The following TWIST2 variants were observed in gnomAD, a reference collection of about 807,000 sequenced individuals.
The protein encoded by TWIST2 is twist family bHLH transcription factor 2.
Under a neutral mutation model 11.6 loss-of-function variants are expected in TWIST2, and 1 was observed. The observed-to-expected ratio is 0.09, with a 90% CI of 0.03 to 0.41. TWIST2 has a LOEUF of 0.41. Ranked by LOEUF, TWIST2 falls within the 10% of genes least tolerant of loss-of-function variation. The pLI is 0.98. For missense variants in TWIST2, 168 were observed against 226.4 expected, an observed-to-expected ratio of 0.74 and a Z score of 1.66; for synonymous variants, 87 against 96.6, an observed-to-expected ratio of 0.90 and a Z score of 0.58.
Position 238,848,405 on chromosome 2 carries a change from CTGCAGAGCCAGCGCA to C in TWIST2, c.192_206del (p.Gln65_Ile69del). The C allele has an allele frequency of 6.5e-7, 1 of 1,537,338 alleles. No homozygotes were observed. Among genetic ancestry groups the C allele is most frequent in the Non-Finnish European group, 8.7e-7 (1 of 1,146,852 alleles). ...CCCCAGCGCGCAGTCCTTCGAGGAGCTGCAGAGCCAGCGCATCCTGGCCAACGTGCGCGAGCGCCA... is the reference window on the plus strand; with the variant it reads ...CCCCAGCGCGCAGTCCTTCGAGGAGCTCCTGGCCAACGTGCGCGAGCGCCA... On this transcript the variant is annotated inframe_deletion, in exon 1 of 2. Transcript: ENST00000612363.
intron 1 of TWIST2, among the ~76,000 whole-genome samples, chr2:238,887,850 G>T (rs1693069277): frequency 6.6e-6 from 1 of 152,224 alleles, no homozygotes; most frequent in Non-Finnish European, 1.5e-5. Context: ...AACGACTGCT[G>T]CATGAACCTC....
At chr2:238,874,378 A>G (rs1574757575) in intron 1 of TWIST2, among the ~76,000 whole-genome samples, 1 of 152,194 alleles carries the variant, frequency 6.6e-6, no homozygotes, top group Non-Finnish European at 1.5e-5. Context: ...GTTCCATGTT[A>G]TCGTGTCTTA....
At chr2:238,883,783 TC>T (rs1559279802) in intron 1 of TWIST2, among the ~76,000 whole-genome samples, 1 of 152,148 alleles carries the variant, frequency 6.6e-6, no homozygotes, top group Non-Finnish European at 1.5e-5. Flanking sequence ...GAGGCGGTTT[TC>T]AGGAATGAAA....
intron 1 of TWIST2, among the ~76,000 whole-genome samples, chr2:238,882,781 G>A (rs999623199): frequency 6.6e-6 from 1 of 152,200 alleles, no homozygotes; most frequent in African/African-American, 2.4e-5. Flanking sequence ...GGAGTCCTGG[G>A]AAGTGATATC....
chr2:238,879,591 G>C (rs533723436), intron 1 of TWIST2, among the ~76,000 whole-genome samples: 18 of 152,276 alleles, frequency 1.2e-4, no homozygotes, highest in South Asian at 4.2e-4. Flanking sequence ...TGCCCAGCTA[G>C]GAAGGCATGC....
chr2:238,873,211 C>T (rs1396118099), intron 1 of TWIST2, among the ~76,000 whole-genome samples: 4 of 152,156 alleles, frequency 2.6e-5, no homozygotes, highest in African/African-American at 7.2e-5. Flanking sequence ...TGTTGAGAGC[C>T]TCCCACGTGC....
At chr2:238,894,210 C>T (rs4078346) in intron 1 of TWIST2, among the ~76,000 whole-genome samples, 93,825 of 152,040 alleles carry the variant, frequency 0.62, 29,613 homozygotes, top group East Asian at 0.78. Flanking sequence ...CACCCTCTTC[C>T]GGGGTTCCCA....
intron 1 of TWIST2, among the ~76,000 whole-genome samples, chr2:238,905,726 C>T (rs959734837): frequency 6.6e-6 from 1 of 152,196 alleles, no homozygotes; most frequent in Non-Finnish European, 1.5e-5. Flanking sequence ...CCCACCCCCC[C>T]TTATTAATTA....
intron 1 of TWIST2, among the ~76,000 whole-genome samples, chr2:238,881,787 A>G (rs776312942): frequency 7.2e-5 from 11 of 152,184 alleles, no homozygotes; most frequent in Non-Finnish European, 1.5e-4. Context: ...AAATCCCTAC[A>G]TAAGGAAATG....
At chr2:238,871,429 C>T (rs1423649494) in intron 1 of TWIST2, among the ~76,000 whole-genome samples, 2 of 77,378 alleles carry the variant, frequency 2.6e-5, no homozygotes, top group Middle Eastern at 7.8e-3. Flanking sequence ...CAACCCCACA[C>T]GCCACACACA....
intron 1 of TWIST2, among the ~76,000 whole-genome samples, chr2:238,881,441 T>G (rs547454951): frequency 4.6e-4 from 70 of 151,860 alleles, no homozygotes; most frequent in Non-Finnish European, 9.1e-4. Context: ...GTGTCGGTAT[T>G]TATTAGTATT....
chr2:238,850,613 T>A (rs1387101814), intron 1 of TWIST2, among the ~76,000 whole-genome samples: 1 of 152,084 alleles, frequency 6.6e-6, no homozygotes, highest in Non-Finnish European at 1.5e-5. Context: ...ATAATCGCAC[T>A]CCTCAAAACT....
intron 1 of TWIST2, among the ~76,000 whole-genome samples, chr2:238,858,211 T>G (rs144164253): frequency 1.3e-5 from 2 of 152,296 alleles, no homozygotes; most frequent in East Asian, 3.9e-4. Context: ...CCTGGGCGCA[T>G]CCACCGGGCT....
intron 1 of TWIST2, among the ~76,000 whole-genome samples, chr2:238,869,390 G>A (rs763614288): frequency 1.3e-5 from 2 of 152,156 alleles, no homozygotes; most frequent in Non-Finnish European, 2.9e-5. Flanking sequence ...CCTTTGTATC[G>A]AAGAACACAA....
chr2:238,858,298 A>G (rs1464676026), intron 1 of TWIST2, among the ~76,000 whole-genome samples: 2 of 152,202 alleles, frequency 1.3e-5, no homozygotes, highest in Non-Finnish European at 2.9e-5. Flanking sequence ...GTGACTATAC[A>G]TGATCGGTGT....
intron 1 of TWIST2, among the ~76,000 whole-genome samples, chr2:238,907,815 C>G (rs1693379673): frequency 7.1e-6 from 1 of 141,364 alleles, no homozygotes; most frequent in South Asian, 2.3e-4. Context: ...CCACGCGCCA[C>G]ACAAATATAC....
intron 1 of TWIST2, among the ~76,000 whole-genome samples, chr2:238,855,464 C>T (rs994079704): frequency 3.3e-5 from 5 of 152,182 alleles, no homozygotes; most frequent in Non-Finnish European, 5.9e-5. Context: ...TCAACATATG[C>T]CCAGCCGCCT....
At chr2:238,858,065 C>T (rs1009569003) in intron 1 of TWIST2, among the ~76,000 whole-genome samples, 7 of 152,208 alleles carry the variant, frequency 4.6e-5, no homozygotes, top group African/African-American at 1.7e-4. Context: ...CTTGGACAAT[C>T]AGCTTGTGTT....
chr2:238,894,358 C>T, intron 1 of TWIST2, among the ~76,000 whole-genome samples: 1 of 152,236 alleles, frequency 6.6e-6, no homozygotes, highest in Non-Finnish European at 1.5e-5. Flanking sequence ...GGTCAGGATG[C>T]ACCCAGCCAC....
Sources: gnomAD v4.1 joint callset for allele counts (sites outside exome capture counted in the v4.1 genomes callset) on GRCh38, gnomAD v4.1.1 for gene constraint, MANE v1.5 for transcripts, NCBI Gene and HGNC (gene_info 2026-07-23, HGNC 2026-07-21) for gene names.